DOCK1: variants seen among roughly 807,000 people sequenced by gnomAD.
DOCK1 encodes the protein dedicator of cytokinesis protein 1.
In DOCK1, 138 loss-of-function variants were observed where a neutral mutation model predicts 262.7. The observed-to-expected ratio is 0.53, with a 90% confidence interval of 0.46 to 0.61. The LOEUF (loss-of-function observed/expected upper bound fraction) is 0.61, where lower values mean the gene tolerates loss of function less well. Among genes scored for constraint, DOCK1 ranks in the 20% least tolerant of loss-of-function variants. The probability of loss-of-function intolerance (pLI) is 0.00; values close to 1 mark genes in which losing one functional copy is unlikely to be tolerated. For missense variants in DOCK1, 1,908 were observed against 2,370.7 expected (o/e 0.80, Z 4.05); for synonymous variants, 866 against 867.4 (o/e 1.00, Z 0.03).
rs575270813 is a variant in DOCK1 at position 127,106,188 on chromosome 10, C to T, written c.2446-43C>T. 5.8e-6 allele frequency: 9 copies of T among 1,553,268 alleles called. No individual in the cohort carries two copies. The African/African-American group carries it at 1.1e-4, about 19-fold the overall frequency. On this transcript the variant is annotated intron_variant, in intron 23 of 51. Coordinates refer to ENST00000623213, the MANE Select transcript of DOCK1 (RefSeq NM_001290223.2). The stretch of plus-strand genomic sequence containing the variant: ...GATTACAAATTGGTATGAACACTCC[C>T]TAACCTGCATGCTGCTCAGCCTTCT...
At chr10:127,315,116 G>A (rs2062218466) in intron 29 of DOCK1, among the ~76,000 whole-genome samples, 1 of 152,154 alleles carries the variant, frequency 6.6e-6, no homozygotes, top group Admixed American at 6.5e-5. Flanking sequence ...TCTTCCTAAT[G>A]TCAGTGAGGT....
chr10:127,125,344 C>T (rs183263670), intron 25 of DOCK1, 130 bp from the exon 26 acceptor site: 2 of 1,284,780 alleles, frequency 1.6e-6, no homozygotes, highest in East Asian at 5.0e-5. Flanking sequence ...ATTGACCCCC[C>T]TCCAGATGTC....
rs551926537 is a variant in DOCK1 at position 127,300,523 on chromosome 10, G to A, written c.3045-38483G>A. On this transcript the variant is annotated intron_variant, in intron 29 of 51. Transcript: ENST00000623213. ...GTGGGGATCACCCTTCAGGAAGATG[G>A]CATCAGGCCACAAAAATAGAAAAGA... Among the ~76,000 whole-genome samples, 306 of 152,318 alleles carry A rather than the reference G, an allele frequency of 2.0e-3. 1 individual carries two copies. The highest frequency in any genetic ancestry group is 7.1e-3 in the African/African-American group (296 of 41,568).
At chr10:127,360,518 G>A (rs1230669091) in intron 32 of DOCK1, among the ~76,000 whole-genome samples, 1 of 152,196 alleles carries the variant, frequency 6.6e-6, no homozygotes, top group Non-Finnish European at 1.5e-5. Context: ...AAAAACCATT[G>A]AAATTAAAAA....
chr10:127,273,032 G>C (rs1360287895), intron 29 of DOCK1, among the ~76,000 whole-genome samples: 1 of 152,334 alleles, frequency 6.6e-6, no homozygotes, highest in East Asian at 1.9e-4. Flanking sequence ...TTCAAGATGA[G>C]ATTTGGGTGG....
At chr10:127,003,904 A>C (rs1174290061) in intron 10 of DOCK1, among the ~76,000 whole-genome samples, 1 of 151,998 alleles carries the variant, frequency 6.6e-6, no homozygotes, top group Non-Finnish European at 1.5e-5. Context: ...CAGTGAGCTA[A>C]GATTGTGTCA....
rs1041860130 is a variant in DOCK1, at chr10:127,012,664, G to A, written c.1201+290G>A. ...GCGGTAGGCGTAACTCCCTCTGCCC[G>A]TGTTGTGTGCTAATCTTTGCCTGTT... On this transcript the variant is annotated intron_variant, in intron 12 of 51. Transcript: ENST00000623213. This position sits in a 1 kb window ranked among gnomAD's most constrained non-coding sequence, Gnocchi z 4.0. 1.3e-5 allele frequency among the ~76,000 whole-genome samples: 2 copies of A among 152,168 alleles called. No homozygotes were observed. The highest frequency in any genetic ancestry group is 2.9e-5 in the Non-Finnish European group (2 of 68,030).
chr10:127,345,926 AACAC>A (rs1306111952), intron 31 of DOCK1, among the ~76,000 whole-genome samples: 3 of 152,200 alleles, frequency 2.0e-5, no homozygotes, highest in Non-Finnish European at 4.4e-5. Flanking sequence ...GGTAGTGACC[AACAC>A]ACACAAAGCA....
At chr10:127,190,210 G>A (rs989931533) in intron 27 of DOCK1, among the ~76,000 whole-genome samples, 1 of 152,220 alleles carries the variant, frequency 6.6e-6, no homozygotes, top group African/African-American at 2.4e-5. Context: ...AGGAATCGCT[G>A]AGGTTGAGTT....
intron 27 of DOCK1, among the ~76,000 whole-genome samples, chr10:127,182,131 A>G (rs561682594): frequency 9.9e-5 from 15 of 152,148 alleles, no homozygotes; most frequent in African/African-American, 3.6e-4. Flanking sequence ...CGTTCCCTCG[A>G]TGTGTAGAAT....
At chr10:127,397,687 G>A (rs1276452725) in intron 38 of DOCK1, among the ~76,000 whole-genome samples, 6 of 151,924 alleles carry the variant, frequency 3.9e-5, no homozygotes, top group South Asian at 2.1e-4. Context: ...GCATGACACA[G>A]GTAGTAGCTC....
rs2055081297 is a variant in DOCK1, at chr10:127,175,927, C to T, written c.2847+48163C>T. On this transcript the variant is annotated intron_variant, in intron 27 of 51. Transcript: ENST00000623213. This position sits in a 1 kb window ranked among gnomAD's most constrained non-coding sequence, Gnocchi z 6.3. ...CCCGCGCCACATGGCCGGGCCTCCT[C>T]CATGGGTCCAGCCTCGTTCTTCTCT... 2.5e-6 allele frequency: 4 copies of T among 1,614,240 alleles called. No individual in the cohort carries two copies. The highest frequency in any genetic ancestry group is 1.1e-5 in the South Asian group (1 of 91,088).
intron 38 of DOCK1, chr10:127,402,621 T>G: frequency 2.0e-6 from 1 of 510,650 alleles, no homozygotes. Flanking sequence ...ATTTTTTAGG[T>G]GGACAGCTTG....
intron 27 of DOCK1, among the ~76,000 whole-genome samples, chr10:127,155,299 C>T (rs973035370): frequency 2.0e-5 from 3 of 152,114 alleles, no homozygotes; most frequent in African/African-American, 7.2e-5. Flanking sequence ...TGCTACATGC[C>T]GTGATTGTCT....
intron 30 of DOCK1, among the ~76,000 whole-genome samples, chr10:127,340,757 AT>A (rs1565005788): frequency 1.3e-5 from 2 of 152,060 alleles, no homozygotes; most frequent in Non-Finnish European, 2.9e-5. Flanking sequence ...AAAATGATTG[AT>A]TTTTGTTTTT....
Position 127,011,807 on chromosome 10 carries a change from T to C in DOCK1, c.1059-425T>C, listed in dbSNP as rs12415196. Among the ~76,000 whole-genome samples, 27 of 152,192 alleles carry C rather than the reference T, an allele frequency of 1.8e-4. No individual in the cohort carries two copies. The East Asian group carries it at 5.2e-3, about 29-fold the overall frequency. ...GGATTTTTTTTTTTTTAAATCTTGA[T>C]TTTGCTTTTCCCTTTAGATCAACCT... On this transcript the variant is annotated intron_variant, in intron 11 of 51. Transcript: ENST00000623213.
intron 29 of DOCK1, among the ~76,000 whole-genome samples, chr10:127,296,203 T>C (rs896666571): frequency 6.6e-6 from 1 of 152,236 alleles, no homozygotes; most frequent in Admixed American, 6.5e-5. Context: ...TCGATTTTGT[T>C]ATCGAAGCAG....
chr10:127,083,295 G>A (rs1290630009), intron 23 of DOCK1, among the ~76,000 whole-genome samples: 1 of 152,194 alleles, frequency 6.6e-6, no homozygotes. Flanking sequence ...TTGAGGAGAT[G>A]TAAAATACCT....
At chr10:127,234,993 A>G (rs2134610530) in intron 27 of DOCK1, among the ~76,000 whole-genome samples, 1 of 79,352 alleles carries the variant, frequency 1.3e-5, no homozygotes, top group African/African-American at 3.6e-5. Flanking sequence ...TTTTATACAT[A>G]TATAATAAAT....
Sources: allele counts gnomAD v4.1 joint callset (sites outside exome capture counted in the v4.1 genomes callset), GRCh38; gene constraint gnomAD v4.1.1; non-coding constraint Gnocchi (gnomAD v3.1); transcripts MANE v1.5; gene names NCBI Gene and HGNC (gene_info 2026-07-23, HGNC 2026-07-21).